SBF2: variants seen among roughly 807,000 people sequenced by gnomAD.
SBF2 encodes the protein SET binding factor 2.
SBF2 carries 112 observed loss-of-function variants against 225.2 expected under a neutral mutation model. The observed-to-expected ratio is 0.50, with a 90% CI of 0.43 to 0.58. The LOEUF (loss-of-function observed/expected upper bound fraction) is 0.58, where lower values mean the gene tolerates loss of function less well. Ranked by LOEUF, SBF2 falls within the 20% of genes least tolerant of loss-of-function variation. The pLI is 0.00. For synonymous variants in SBF2, 763 were observed against 773.3 expected (o/e 0.99, Z 0.22); for missense variants, 1,996 against 2,206.2 (o/e 0.90, Z 1.91).
intron 2 of SBF2, among the ~76,000 whole-genome samples, chr11:10,086,229 T>A (rs1002054718): frequency 6.6e-6 from 1 of 151,926 alleles, no homozygotes; most frequent in African/African-American, 2.4e-5. Flanking sequence ...CTTTTTTATC[T>A]TTTCATATGT....
intron 2 of SBF2, among the ~76,000 whole-genome samples, chr11:10,168,845 A>G (rs1488017244): frequency 1.3e-5 from 2 of 152,212 alleles, no homozygotes; most frequent in Non-Finnish European, 2.9e-5. Context: ...GTTATACTGC[A>G]TAAGGAAAAA....
At chr11:10,262,923 G>A (rs1235698867) in intron 1 of SBF2, among the ~76,000 whole-genome samples, 1 of 151,712 alleles carries the variant, frequency 6.6e-6, no homozygotes, top group African/African-American at 2.4e-5. Context: ...GATCCTCAGG[G>A]AGTCTATAAT....
chr11:10,294,006 C>T lies in SBF2; in HGVS notation c.55+9G>A. The T allele has an allele frequency of 7.2e-7, 1 of 1,390,126 alleles. No homozygotes were observed. The highest frequency in any genetic ancestry group is 3.1e-5 in the East Asian group (1 of 31,752). The allele number at this position is 1,390,126 out of a possible 1,614,324, so 86.1% of individuals were successfully genotyped here. On this transcript the variant is annotated intron_variant, in intron 1 of 39. Transcript: ENST00000256190. ...GAGGCCCGGGGGCGGTGCCGCCCCA[C>T]ACCCTTACCTGGCTTCTCGTGGTCA...
intron 2 of SBF2, among the ~76,000 whole-genome samples, chr11:10,055,025 T>G (rs987204883): frequency 3.9e-5 from 6 of 152,092 alleles, no homozygotes; most frequent in African/African-American, 1.4e-4. Flanking sequence ...TTATCTTGCC[T>G]CAGTCTCCTG....
intron 32 of SBF2, among the ~76,000 whole-genome samples, chr11:9,803,957 C>G (rs72853205): frequency 6.6e-6 from 1 of 151,816 alleles, no homozygotes; most frequent in Non-Finnish European, 1.5e-5. Context: ...CTGTGTAAAC[C>G]CAGAAAGGCT....
chr11:9,873,973 C>T (rs1859003625), intron 17 of SBF2, among the ~76,000 whole-genome samples: 1 of 151,914 alleles, frequency 6.6e-6, no homozygotes, highest in Non-Finnish European at 1.5e-5. Context: ...CGCTTGAACC[C>T]GTGGTCTCTC....
intron 2 of SBF2, among the ~76,000 whole-genome samples, chr11:10,116,115 G>C (rs950656431): frequency 2.6e-5 from 4 of 152,176 alleles, no homozygotes; most frequent in African/African-American, 9.7e-5. Flanking sequence ...CTTGCCGTGA[G>C]CCGAGATCAC....
chr11:9,926,139 A>G (rs567945597), intron 16 of SBF2, among the ~76,000 whole-genome samples: 1 of 152,306 alleles, frequency 6.6e-6, no homozygotes, highest in South Asian at 2.1e-4. Flanking sequence ...TGTACTTATA[A>G]AAGTGTTTTA....
chr11:9,782,705 T>C (rs1852095068), intron 38 of SBF2, among the ~76,000 whole-genome samples: 1 of 151,800 alleles, frequency 6.6e-6, no homozygotes, highest in African/African-American at 2.4e-5. Flanking sequence ...ACCCCGTCTC[T>C]ACTAAAAATA....
At chr11:10,048,892 T>C (rs766020927) in intron 2 of SBF2, among the ~76,000 whole-genome samples, 22 of 152,240 alleles carry the variant, frequency 1.4e-4, no homozygotes, top group Non-Finnish European at 3.1e-4. Context: ...CAGATTTTAA[T>C]GTAACCATAA....
Position 10,133,562 on chromosome 11 carries a change from A to ATT in SBF2, c.141+60338_141+60339dup, listed in dbSNP as rs376587400. On this transcript the variant is annotated intron_variant, in intron 2 of 39. Coordinates refer to ENST00000256190, the MANE Select transcript of SBF2 (RefSeq NM_030962.4). ...CACTGGCCTGGGTGCTAAGTCCCCC[A>ATT]TTGCCCAGGGCCAGCAGGGCTGCCT... Among the ~76,000 whole-genome samples, 97 of 119,280 alleles carry ATT rather than the reference A, an allele frequency of 8.1e-4. 21 individuals carry two copies. The highest frequency in any genetic ancestry group is 2.2e-3 in the South Asian group (8 of 3,626). 78.3% of individuals were successfully genotyped at this position (119,280 alleles called of 152,430 possible).
intron 17 of SBF2, among the ~76,000 whole-genome samples, chr11:9,893,006 T>C (rs966850384): frequency 3.3e-5 from 5 of 152,250 alleles, no homozygotes; most frequent in African/African-American, 1.2e-4. Context: ...TGCCCAGATG[T>C]TGCCTGTTAT....
intron 1 of SBF2, among the ~76,000 whole-genome samples, chr11:10,286,155 A>AACACGC (rs1380348791): frequency 4.0e-5 from 5 of 125,014 alleles, no homozygotes; most frequent in Admixed American, 1.6e-4. Flanking sequence ...TCTTCACATA[A>AACACGC]ACACGCACAC....
At chr11:9,873,231 A>AT (rs1858930566) in intron 17 of SBF2, among the ~76,000 whole-genome samples, 1 of 146,212 alleles carries the variant, frequency 6.8e-6, no homozygotes, top group Non-Finnish European at 1.5e-5. Context: ...AAAAAAAAAA[A>AT]GTTACTAAAA....
At chr11:9,972,260 AACACACAC>A (rs1041167430) in intron 13 of SBF2, among the ~76,000 whole-genome samples, 2 of 151,196 alleles carry the variant, frequency 1.3e-5, no homozygotes, top group Non-Finnish European at 3.0e-5. Flanking sequence ...AGAACACACA[AACACACAC>A]ACACACACCA....
chr11:10,119,184 T>C (rs1953314184), intron 2 of SBF2, among the ~76,000 whole-genome samples: 1 of 152,136 alleles, frequency 6.6e-6, no homozygotes, highest in Admixed American at 6.5e-5. Flanking sequence ...GTCTGCCACT[T>C]TGTCCAAGTC....
chr11:10,185,673 T>G (rs1439225059), intron 2 of SBF2, among the ~76,000 whole-genome samples: 2 of 151,572 alleles, frequency 1.3e-5, no homozygotes, highest in Non-Finnish European at 2.9e-5. Flanking sequence ...TATCTTATGG[T>G]GGCTTTAATA....
At position 10,054,608 on chromosome 11, in the gene SBF2, C is replaced by G. The variant is rs148767949; in HGVS notation, c.142-11627G>C. 3.7e-4 allele frequency among the ~76,000 whole-genome samples: 57 copies of G among 152,150 alleles called. No homozygotes were observed. The East Asian group carries it at 5.6e-3, about 15-fold the overall frequency. On this transcript the variant is annotated intron_variant, in intron 2 of 39. Coordinates refer to ENST00000256190, the MANE Select transcript of SBF2 (RefSeq NM_030962.4). Reference sequence around the variant, plus strand: ...TCTGCAAAACAAAAGAAATAATCAACGGAGTGAACAGACAACTTATAGAAT... The same window carrying G: ...TCTGCAAAACAAAAGAAATAATCAAGGGAGTGAACAGACAACTTATAGAAT...
chr11:10,069,637 T>C (rs1327715503), intron 2 of SBF2, among the ~76,000 whole-genome samples: 10 of 152,220 alleles, frequency 6.6e-5, no homozygotes, highest in African/African-American at 2.2e-4. Flanking sequence ...CATGTGTCTT[T>C]ATATTAGAAT....
Sources: allele counts gnomAD v4.1 joint callset (sites outside exome capture counted in the v4.1 genomes callset), GRCh38; gene constraint gnomAD v4.1.1; transcripts MANE v1.5; gene names NCBI Gene and HGNC (gene_info 2026-07-23, HGNC 2026-07-21).